Variants in PATL2 observed in about 807,000 individuals in gnomAD.
PATL2 encodes the protein protein PAT1 homolog 2.
Under a neutral mutation model 77.0 loss-of-function variants are expected in PATL2, and 73 were observed. The ratio of observed to expected loss-of-function variants is 0.95; its 90% CI spans 0.78 to 1.15. PATL2 has a LOEUF of 1.15. Ranked by LOEUF, PATL2 falls within the 50% of genes most tolerant of loss-of-function variation. The pLI is 0.00. For synonymous variants in PATL2, 265 were observed against 257.1 expected (o/e 1.03, Z -0.29); for missense variants, 618 against 655.4 (o/e 0.94, Z 0.62).
At chr15:44,697,294 TCCTCCTTCTTTTC>T (rs1013754147) in intron 3 of PATL2, 4 of 152,480 alleles carry the variant, frequency 2.6e-5, no homozygotes, top group African/African-American at 9.6e-5. Context: ...TCTTTCTTCT[TCCTCCTTCTTTTC>T]CCTCCTTCTT....
chr15:44,681,093 C>T (rs749407824), intron 3 of PATL2, among the ~76,000 whole-genome samples: 1 of 152,082 alleles, frequency 6.6e-6, no homozygotes, highest in South Asian at 2.1e-4. Context: ...TGCAGTGGCA[C>T]GATTATAGCT....
At position 44,674,201 on chromosome 15, in the gene PATL2, C is replaced by G. The variant is rs373224079; in HGVS notation, c.252G>C (p.Lys84Asn). ...GTGACATTCCCAGCATACCAGGGGCCTTGACTCCAGGGGAGCTAAGCAGAG... is the reference window on the plus strand; with the variant it reads ...GTGACATTCCCAGCATACCAGGGGCGTTGACTCCAGGGGAGCTAAGCAGAG... ...QRALLSSPGV[K>N]APGMLGMSLA... The change falls in exon 6 of 18, where the codon AAG (lysine) becomes AAC (asparagine). Residue 84 changes from lysine (K) to asparagine (N), a missense_variant. Lys to Asn is a moderately conservative substitution (Grantham distance 94, BLOSUM62 0). Coordinates refer to ENST00000682850, the MANE Select transcript of PATL2 (RefSeq NM_001387263.1). The G allele has an allele frequency of 2.3e-5, 36 of 1,550,692 alleles. No individual in the cohort carries two copies. The African/African-American group carries it at 4.2e-4, about 18-fold the overall frequency.
chr15:44,671,052 A>C (rs2085648390), intron 9 of PATL2, among the ~76,000 whole-genome samples: 1 of 152,266 alleles, frequency 6.6e-6, no homozygotes, highest in Admixed American at 6.5e-5. Context: ...AGGCAAGAAT[A>C]CAAAACTATT....
rs1461851634 is a variant in PATL2, at chr15:44,711,157, T to C, written c.-391A>G. The C allele has an allele frequency of 1.2e-5, 5 of 402,028 alleles. No individual in the cohort carries two copies. Among genetic ancestry groups the C allele is most frequent in the African/African-American group, 1.0e-4 (5 of 49,254 alleles). The allele number at this position is 402,028 out of a possible 1,614,324, so 24.9% of individuals were successfully genotyped here. A position where few individuals can be genotyped will look rare whatever the true frequency, so the allele number is the denominator to read the frequency against. ...GAATGAAAAATGCAGGTCCGAGCAG[T>C]TAACTGGCTGGGGCACCATTAGCAA... On this transcript the variant is annotated 5_prime_UTR_variant, in exon 1 of 18. Coordinates refer to ENST00000682850, the MANE Select transcript of PATL2 (RefSeq NM_001387263.1).
At position 44,698,460 on chromosome 15, in the gene PATL2, T is replaced by C. The variant is rs143421876; in HGVS notation, c.-76+11636A>G. ...ATTTCCATGAATTCAGTTGCTGTAA[T>C]TTTTAGCTCCCACAGAGAAGAACAC... On this transcript the variant is annotated intron_variant, in intron 3 of 17. Coordinates refer to ENST00000682850, the MANE Select transcript of PATL2 (RefSeq NM_001387263.1). Among the ~76,000 whole-genome samples, 19 of 152,246 alleles carry C rather than the reference T, an allele frequency of 1.2e-4. No individual in the cohort carries two copies. In the South Asian group the frequency reaches 3.9e-3, roughly 32 times the overall value.
At position 44,668,426 on chromosome 15, in the gene PATL2, G is replaced by A. The variant is rs561658889; in HGVS notation, c.1281C>T (p.His427=). 23 of 1,551,406 alleles carry A rather than the reference G, an allele frequency of 1.5e-5. No homozygotes were observed. Among genetic ancestry groups the A allele is most frequent in the Middle Eastern group, 1.7e-4 (1 of 5,776 alleles). ...LGKCISHLTL[H]ELLQGLQGLT... ...ATCCCTGAAGTCCTTGGAGGAGTTCGTGGAGGGTCAAGTGACTAATACATT... is the reference window on the plus strand; with the variant it reads ...ATCCCTGAAGTCCTTGGAGGAGTTCATGGAGGGTCAAGTGACTAATACATT... Residue 427 remains histidine (H), a synonymous_variant, in exon 15 of 18, where the codon CAC becomes CAT. Transcript: ENST00000682850.
In PATL2 at chr15:44,695,626, G is replaced by GT. The variant is rs575850727; in HGVS notation, c.-76+14469dup. Among the ~76,000 whole-genome samples, 651 of 152,252 alleles carry GT rather than the reference G, an allele frequency of 4.3e-3. 4 individuals carry two copies. The highest frequency in any genetic ancestry group is 0.015 in the African/African-American group (631 of 41,538). On this transcript the variant is annotated intron_variant, in intron 3 of 17. Transcript: ENST00000682850. ...CTGCCGGCTGGCCTTTTCCTCAGAA[G>GT]TTCCCTCTCTGTCACTACAGAGACA...
chr15:44,670,252 G>T (rs1319708465), intron 9 of PATL2, among the ~76,000 whole-genome samples, 165 bp from the exon 10 acceptor site: 1 of 152,220 alleles, frequency 6.6e-6, no homozygotes, highest in Admixed American at 6.5e-5. Context: ...CAGCTGGAGT[G>T]CAGTGGCGCA....
At chr15:44,667,231 G>A in intron 15 of PATL2, 28 bp from the exon 16 acceptor site, 1 of 1,501,564 alleles carries the variant, frequency 6.7e-7, no homozygotes, top group Non-Finnish European at 9.1e-7. Flanking sequence ...ATATTCCAGA[G>A]CAAAATGAGT....
rs1302745177 is a variant in PATL2, at chr15:44,672,376, T to C, written c.515+12A>G. On this transcript the variant is annotated intron_variant, in intron 8 of 17. Transcript: ENST00000682850. ...GGGCTCCCCTCAACCCTGCTCCTGG[T>C]CTGGGCTTTACCTTGGTGTTTGACT... 1 of 1,551,402 alleles carries C rather than the reference T, an allele frequency of 6.4e-7. No homozygotes were observed. Among genetic ancestry groups the C allele is most frequent in the African/African-American group, 1.4e-5 (1 of 73,032 alleles).
chr15:44,673,269 A>C lies in PATL2; in HGVS notation c.412T>G (p.Cys138Gly). 1 of 1,551,638 alleles carries C rather than the reference A, an allele frequency of 6.4e-7. No homozygotes were observed. The highest frequency in any genetic ancestry group is 8.7e-7 in the Non-Finnish European group (1 of 1,146,978). ...GGGGGCCACGAGGTCAGCAGGCTGCAGAAGAGAGTTGGGTCTGGTGAGGGC... is the reference window on the plus strand; with the variant it reads ...GGGGGCCACGAGGTCAGCAGGCTGCCGAAGAGAGTTGGGTCTGGTGAGGGC... Reference protein sequence around the residue: ...RLPSPDPTLFCSLLTSWPPRF... With the variant: ...RLPSPDPTLFGSLLTSWPPRF... Residue 138 changes from cysteine (C) to glycine (G), a missense_variant, in exon 7 of 18, where the codon TGC (cysteine) becomes GGC (glycine). Physicochemically the swap from Cys to Gly is radical, Grantham distance 159. Transcript: ENST00000682850.
At chr15:44,703,891 C>A (rs890394861) in intron 3 of PATL2, among the ~76,000 whole-genome samples, 1 of 151,508 alleles carries the variant, frequency 6.6e-6, no homozygotes, top group Admixed American at 6.6e-5. Context: ...CTGTTCCTTC[C>A]TTCTTTTGTT....
chr15:44,675,899 G>T, intron 4 of PATL2: 1 of 550,138 alleles, frequency 1.8e-6, no homozygotes, highest in Non-Finnish European at 3.2e-6. Flanking sequence ...AATGGAACCT[G>T]AGCCAGGTGT....
At chr15:44,683,337 T>A (rs2086177704) in intron 3 of PATL2, among the ~76,000 whole-genome samples, 1 of 152,176 alleles carries the variant, frequency 6.6e-6, no homozygotes. Context: ...TGAGATGCAC[T>A]GGCTTGAAAT....
rs1028874875 is a variant in PATL2, at chr15:44,667,096, A to C, written c.1463+10T>G. 1.3e-6 allele frequency: 2 copies of C among 1,544,730 alleles called. No individual in the cohort carries two copies. The highest frequency in any genetic ancestry group is 2.7e-5 in the African/African-American group (2 of 72,882). ...ACTAGATAGTATTTACAAGGCCTTT[A>C]TGATCTTACCAAGCTGTATGGTCAC... On this transcript the variant is annotated intron_variant, in intron 16 of 17. Transcript: ENST00000682850.
At chr15:44,697,362 T>A (rs2086528630) in intron 3 of PATL2, 1 of 152,386 alleles carries the variant, frequency 6.6e-6, no homozygotes, top group Admixed American at 6.6e-5. Context: ...GCAGTGGAAG[T>A]GGAGAAGGAA....
chr15:44,682,623 A>G (rs902195524), intron 3 of PATL2, among the ~76,000 whole-genome samples: 2 of 152,250 alleles, frequency 1.3e-5, no homozygotes, highest in Admixed American at 6.5e-5. Context: ...CGTTCTTCCC[A>G]AGAAATTTCA....
rs989410641 is a variant in PATL2 at position 44,668,391 on chromosome 15, A to G, written c.1316T>C (p.Leu439Ser). The change falls in exon 15 of 18, where the codon TTG becomes TCG. Residue 439 changes from leucine (L) to serine (S), a missense_variant. Coordinates refer to ENST00000682850, the MANE Select transcript of PATL2 (RefSeq NM_001387263.1). The part of the protein sequence containing the change: ...LLQGLQGLTL[L>S]PPGSSERPVT... The stretch of plus-strand genomic sequence containing the variant: ...TGGCCGCTCTGAGGAGCCAGGTGGC[A>G]ACAGCGTTAATCCCTGAAGTCCTTG... 27 of 1,551,292 alleles carry G rather than the reference A, an allele frequency of 1.7e-5. No individual in the cohort carries two copies. The highest frequency in any genetic ancestry group is 2.4e-5 in the Non-Finnish European group (27 of 1,146,974).
Position 44,691,487 on chromosome 15 carries a change from G to A in PATL2, c.-75-14922C>T, listed in dbSNP as rs140985627. 7.4e-4 allele frequency among the ~76,000 whole-genome samples: 113 copies of A among 151,946 alleles called. 1 individual carries two copies. The highest frequency in any genetic ancestry group is 1.1e-3 in the Non-Finnish European group (73 of 67,948). On this transcript the variant is annotated intron_variant, in intron 3 of 17. Coordinates refer to ENST00000682850, the MANE Select transcript of PATL2 (RefSeq NM_001387263.1). ...AGCCTCACCAACATAGCAAAAACCC[G>A]TCTCTACTAAAAATACAACAGTTAT... is the stretch of plus-strand genomic sequence containing the variant.
Sources: gnomAD v4.1 joint callset for allele counts (sites outside exome capture counted in the v4.1 genomes callset) on GRCh38, gnomAD v4.1.1 for gene constraint, MANE v1.5 for transcripts, NCBI Gene and HGNC (gene_info 2026-07-23, HGNC 2026-07-21) for gene names.